The following GAS7 variants were observed in gnomAD, a reference collection of about 807,000 sequenced individuals.
GAS7 encodes growth arrest-specific protein 7.
A neutral mutation model predicts 71.1 loss-of-function variants in GAS7; 28 were observed. The observed-to-expected ratio is 0.39, with a 90% confidence interval of 0.29 to 0.54. The LOEUF is 0.54. Among genes scored for constraint, GAS7 ranks in the 20% least tolerant of loss-of-function variants. GAS7 has a pLI of 0.62. For missense variants in GAS7, 436 were observed against 627.8 expected (o/e 0.69, Z 3.27); for synonymous variants, 258 against 245.8 (o/e 1.05, Z -0.46).
intron 1 of GAS7, among the ~76,000 whole-genome samples, chr17:10,127,593 T>C (rs748342128): frequency 4.6e-5 from 7 of 152,100 alleles, no homozygotes; most frequent in Non-Finnish European, 7.4e-5. Context: ...ACAATCCTCA[T>C]TCAAGAATTT....
chr17:10,191,500 G>A (rs1242818322), intron 1 of GAS7, among the ~76,000 whole-genome samples: 1 of 148,272 alleles, frequency 6.7e-6, no homozygotes, highest in East Asian at 2.0e-4. Flanking sequence ...AGGCAGCAGT[G>A]AGCCATGATC....
In GAS7 at chr17:9,917,051, G is replaced by C. The variant is rs1391249726; in HGVS notation, c.*177C>G. Reference sequence around the variant, plus strand: ...GCTGTGGGTCTGTCTTCTGGGCCTGGGAATATGGGGGAGCCCCCAGCTAGG... The same window carrying C: ...GCTGTGGGTCTGTCTTCTGGGCCTGCGAATATGGGGGAGCCCCCAGCTAGG... On this transcript the variant is annotated 3_prime_UTR_variant, in exon 14 of 14. Coordinates refer to ENST00000432992, the MANE Select transcript of GAS7 (RefSeq NM_201433.2). 9.9e-6 allele frequency: 6 copies of C among 603,378 alleles called. No homozygotes were observed. Among genetic ancestry groups the C allele is most frequent in the Non-Finnish European group, 1.2e-5 (4 of 337,268 alleles). 37.4% of individuals were successfully genotyped at this position (603,378 alleles called of 1,614,324 possible).
At position 10,091,112 on chromosome 17, in the gene GAS7, C is replaced by A. The variant is rs1019313620; in HGVS notation, c.184-71215G>T. 2.1e-4 allele frequency among the ~76,000 whole-genome samples: 32 copies of A among 152,092 alleles called. 1 individual carries two copies. The highest frequency in any genetic ancestry group is 7.0e-4 in the African/African-American group (29 of 41,416). ...AATGCTCTCCCTGCTTTTATTGTGG[C>A]CATGTTTTACCTCCCATTCATCCTC... On this transcript the variant is annotated intron_variant, in intron 1 of 13. Transcript: ENST00000432992.
chr17:10,064,479 G>T (rs151138475), intron 1 of GAS7, among the ~76,000 whole-genome samples: 9 of 152,322 alleles, frequency 5.9e-5, no homozygotes, highest in African/African-American at 2.2e-4. Context: ...GGGAGCAAGT[G>T]GCTCCTGCCT....
intron 1 of GAS7, among the ~76,000 whole-genome samples, chr17:10,136,466 C>G (rs944608648): frequency 6.6e-6 from 1 of 152,170 alleles, no homozygotes. Context: ...GGGAAGGCAG[C>G]GCGGCTGATG....
At chr17:10,123,133 T>C (rs1446179308) in intron 1 of GAS7, among the ~76,000 whole-genome samples, 4 of 152,202 alleles carry the variant, frequency 2.6e-5, no homozygotes, top group South Asian at 2.1e-4. Context: ...GCATCCGGCC[T>C]TCAGGTGGGG....
At chr17:9,953,892 C>T (rs1263272903) in intron 5 of GAS7, among the ~76,000 whole-genome samples, 1 of 152,220 alleles carries the variant, frequency 6.6e-6, no homozygotes, top group East Asian at 1.9e-4. Flanking sequence ...GGAGATGTTT[C>T]TTGGTGCAGT....
chr17:9,979,402 C>A (rs1268451167), intron 3 of GAS7, among the ~76,000 whole-genome samples: 1 of 152,216 alleles, frequency 6.6e-6, no homozygotes, highest in African/African-American at 2.4e-5. Context: ...CCACCTTTCT[C>A]AGCCCCCTTT....
chr17:10,022,592 G>A (rs533774279), intron 1 of GAS7, among the ~76,000 whole-genome samples: 4 of 152,260 alleles, frequency 2.6e-5, no homozygotes, highest in South Asian at 4.1e-4. Flanking sequence ...GGCTATTCTC[G>A]AATCTGTGAA....
intron 2 of GAS7, among the ~76,000 whole-genome samples, chr17:10,000,609 G>A (rs776841313): frequency 4.6e-5 from 7 of 152,168 alleles, no homozygotes; most frequent in African/African-American, 7.2e-5. Context: ...TACTCAGGTC[G>A]TCATGAAAGT....
intron 1 of GAS7, among the ~76,000 whole-genome samples, chr17:10,111,547 AC>A (rs1166110932): frequency 2.1e-3 from 230 of 107,472 alleles, no homozygotes; most frequent in African/African-American, 2.7e-3. Context: ...AAACAAACAA[AC>A]AAACAAACAA....
intron 2 of GAS7, among the ~76,000 whole-genome samples, chr17:10,001,661 A>G (rs1450416158): frequency 1.3e-5 from 2 of 152,326 alleles, no homozygotes; most frequent in African/African-American, 2.4e-5. Flanking sequence ...TGCAAGGAAG[A>G]GCTTAACATA....
At chr17:10,030,538 G>A (rs1377522440) in intron 1 of GAS7, among the ~76,000 whole-genome samples, 1 of 152,226 alleles carries the variant, frequency 6.6e-6, no homozygotes, top group Non-Finnish European at 1.5e-5. Context: ...CAAGAGCCAG[G>A]AGGGTCGCCT....
intron 4 of GAS7, among the ~76,000 whole-genome samples, chr17:9,967,975 A>C (rs372147504): frequency 1.1e-4 from 16 of 152,352 alleles, no homozygotes; most frequent in Middle Eastern, 3.4e-3. Context: ...ACAGTATTTC[A>C]GAAGGGATTA....
chr17:9,950,843 G>A (rs1408435058), intron 5 of GAS7, among the ~76,000 whole-genome samples: 4 of 150,640 alleles, frequency 2.7e-5, no homozygotes, highest in Non-Finnish European at 5.9e-5. Flanking sequence ...GTGACAGGGC[G>A]AGACTGTGTC....
At chr17:10,029,181 T>C (rs1474356566) in intron 1 of GAS7, among the ~76,000 whole-genome samples, 1 of 152,238 alleles carries the variant, frequency 6.6e-6, no homozygotes, top group African/African-American at 2.4e-5. Context: ...GGTCTCAAAC[T>C]TCTCTGTAGC....
chr17:9,944,856 T>C (rs556733473), intron 6 of GAS7, among the ~76,000 whole-genome samples: 95 of 152,206 alleles, frequency 6.2e-4, no homozygotes, highest in Non-Finnish European at 1.2e-3. Context: ...CTAGGATGGA[T>C]ATGCTGAGCT....
intron 1 of GAS7, among the ~76,000 whole-genome samples, chr17:10,079,512 A>G (rs1040702291): frequency 6.6e-6 from 1 of 152,194 alleles, no homozygotes. Flanking sequence ...CATCTAAATG[A>G]TGAAACTTTG....
intron 9 of GAS7, among the ~76,000 whole-genome samples, chr17:9,930,346 A>G (rs912367595): frequency 1.9e-4 from 29 of 152,204 alleles, no homozygotes; most frequent in African/African-American, 7.0e-4. Flanking sequence ...TCTTCATTTC[A>G]TATGTGAAGA....
Sources: allele counts gnomAD v4.1 joint callset (sites outside exome capture counted in the v4.1 genomes callset), GRCh38; gene constraint gnomAD v4.1.1; transcripts MANE v1.5; gene names NCBI Gene and HGNC (gene_info 2026-07-23, HGNC 2026-07-21).